The following MAST3 variants were observed in gnomAD, a reference collection of about 807,000 sequenced individuals.
MAST3 encodes the protein microtubule-associated serine/threonine-protein kinase 3.
In MAST3, 43 loss-of-function variants were observed where a neutral mutation model predicts 127.0. The observed-to-expected ratio is 0.34, with a 90% CI of 0.27 to 0.44. The LOEUF is 0.44. Among genes scored for constraint, MAST3 ranks in the 20% least tolerant of loss-of-function variants. MAST3 has a pLI of 1.00. For synonymous variants in MAST3, 785 were observed against 809.2 expected, an observed-to-expected ratio of 0.97 and a Z score of 0.51; for missense variants, 1,390 against 1,919.1, an observed-to-expected ratio of 0.72 and a Z score of 5.15.
chr19:18,120,339 G>A (rs1162632329), intron 3 of MAST3, among the ~76,000 whole-genome samples: 1 of 152,150 alleles, frequency 6.6e-6, no homozygotes, highest in Admixed American at 6.6e-5. Context: ...CTGGGCTCCA[G>A]GGTGTGTTTG....
In MAST3 at chr19:18,147,058, G is replaced by A. The variant is rs752899639; in HGVS notation, c.3326+14G>A. 35 of 1,507,210 alleles carry A rather than the reference G, an allele frequency of 2.3e-5. No individual in the cohort carries two copies. Among genetic ancestry groups the A allele is most frequent in the African/African-American group, 7.2e-5 (5 of 69,884 alleles). 93.4% of individuals were successfully genotyped at this position (1,507,210 alleles called of 1,614,324 possible). A position where few individuals can be genotyped will look rare whatever the true frequency, so the allele number is the denominator to read the frequency against. ...CACCAGGGAGCGGTACACAGGGGGC[G>A]GGGCCACGGGGACTGGGGTTCTTTT... is the stretch of plus-strand genomic sequence containing the variant. On this transcript the variant is annotated intron_variant, in intron 26 of 27. Coordinates refer to ENST00000687212, the MANE Select transcript of MAST3 (RefSeq NM_001393504.1).
intron 3 of MAST3, among the ~76,000 whole-genome samples, chr19:18,115,564 A>G (rs1388252166): frequency 6.6e-6 from 1 of 151,970 alleles, no homozygotes; most frequent in Non-Finnish European, 1.5e-5. Flanking sequence ...CCTGGGGGTC[A>G]TAGGTGACCA....
At chr19:18,140,897 G>A (rs1032018020) in intron 20 of MAST3, among the ~76,000 whole-genome samples, 52 of 151,748 alleles carry the variant, frequency 3.4e-4, no homozygotes, top group Non-Finnish European at 1.0e-4. Flanking sequence ...GGGTTCAAGC[G>A]ATTCTCCTGC....
intron 11 of MAST3, among the ~76,000 whole-genome samples, chr19:18,126,633 A>T (rs2040655876): frequency 2.0e-5 from 3 of 152,102 alleles, no homozygotes; most frequent in African/African-American, 4.8e-5. Context: ...GCCAGGCATG[A>T]TCGCACATGC....
At chr19:18,143,679 A>T in intron 21 of MAST3, 84 bp from the exon 22 acceptor site, 2 of 1,544,864 alleles carry the variant, frequency 1.3e-6, no homozygotes, top group Non-Finnish European at 1.8e-6. Flanking sequence ...GCAGACTGAG[A>T]GTTAAGATGT....
At chr19:18,136,356 G>A (rs149934903) in intron 18 of MAST3, among the ~76,000 whole-genome samples, 74 of 152,254 alleles carry the variant, frequency 4.9e-4, no homozygotes, top group East Asian at 1.3e-3. Flanking sequence ...TTCTCTAGGC[G>A]GTGTGGTCCC....
At chr19:18,134,257 C>A (rs1268040492) in intron 15 of MAST3, among the ~76,000 whole-genome samples, 1 of 152,116 alleles carries the variant, frequency 6.6e-6, no homozygotes, top group Non-Finnish European at 1.5e-5. Flanking sequence ...CACATATACG[C>A]ACACACAGTA....
rs188187756 is a variant in MAST3, at chr19:18,134,901, G to A, written c.1789G>A (p.Val597Ile). 808 of 1,614,038 alleles carry A rather than the reference G, an allele frequency of 5.0e-4. No individual in the cohort carries two copies. Among genetic ancestry groups the A allele is most frequent in the African/African-American group, 3.5e-3 (266 of 75,050 alleles). The change falls in exon 17 of 28, where the codon GTC (valine) becomes ATC (isoleucine). Residue 597 changes from valine (V) to isoleucine (I), a missense_variant. Coordinates refer to ENST00000687212, the MANE Select transcript of MAST3 (RefSeq NM_001393504.1). The part of the protein sequence containing the change: ...GKPVDWWAMG[V>I]VLYEFLVGCV... ...GCCAGTGGACTGGTGGGCCATGGGC[G>A]TCGTCCTCTATGAGTTTCTGGTGGG...
chr19:18,141,953 C>G lies in MAST3; in HGVS notation c.2277C>G (p.Asp759Glu). 6.4e-7 allele frequency: 1 copy of G among 1,558,318 alleles called. No individual in the cohort carries two copies. The highest frequency in any genetic ancestry group is 8.7e-7 in the Non-Finnish European group (1 of 1,149,206). ...TCGCTGAAAGGAGCTTCAGTGAAGA[C>G]CGGGAGGAGGGGTGGGAGCGCAGCG... is the stretch of plus-strand genomic sequence containing the variant. Reference protein sequence around the residue: ...PTFAERSFSEDREEGWERSEV... With the variant: ...PTFAERSFSEEREEGWERSEV... The change falls in exon 21 of 28, where the codon GAC becomes GAG. Residue 759 changes from aspartate to glutamate, a missense_variant. Around this residue, in one of 5 missense-constraint regions of MAST3, gnomAD observed 816 missense variants for 934.1 expected, o/e 0.87. Transcript: ENST00000687212.
chr19:18,116,090 C>CTTTTTTTTTTGTTTTTTTTTTTT (rs2039194320), intron 3 of MAST3, among the ~76,000 whole-genome samples: 1 of 86,374 alleles, frequency 1.2e-5, no homozygotes, highest in African/African-American at 5.4e-5. Context: ...TTGAAATTAT[C>CTTTTTTTTTTGTTTTTTTTTTTT]TTTTTTTTTT....
chr19:18,107,852 C>G (rs560565542), intron 2 of MAST3, among the ~76,000 whole-genome samples: 1 of 152,160 alleles, frequency 6.6e-6, no homozygotes, highest in Non-Finnish European at 1.5e-5. Flanking sequence ...GGTTTCATCA[C>G]CAGCTAAGGA....
chr19:18,140,281 G>A (rs2042320304), intron 20 of MAST3, among the ~76,000 whole-genome samples: 1 of 46,112 alleles, frequency 2.2e-5, no homozygotes, highest in Non-Finnish European at 4.0e-5. Context: ...GGGAGGCTGA[G>A]GCAAGAGTAT....
intron 3 of MAST3, among the ~76,000 whole-genome samples, chr19:18,119,819 C>T (rs548565703): frequency 1.3e-5 from 2 of 152,318 alleles, no homozygotes; most frequent in African/African-American, 4.8e-5. Flanking sequence ...GATGATCATA[C>T]GCTTGTTCTC....
chr19:18,107,105 C>T (rs1015755587), intron 1 of MAST3, among the ~76,000 whole-genome samples: 11 of 151,438 alleles, frequency 7.3e-5, no homozygotes, highest in Non-Finnish European at 1.2e-4. Context: ...TGTGAGCCAC[C>T]GCACCCGGCC....
intron 1 of MAST3, among the ~76,000 whole-genome samples, chr19:18,099,586 G>A (rs902875823): frequency 6.6e-6 from 1 of 152,138 alleles, no homozygotes; most frequent in Non-Finnish European, 1.5e-5. Context: ...CCACTGTCCG[G>A]GTTTCACAAA....
chr19:18,121,714 T>C lies in MAST3; in HGVS notation c.191T>C (p.Val64Ala), dbSNP rs772993728. 1.2e-6 allele frequency: 2 copies of C among 1,613,890 alleles called. No individual in the cohort carries two copies. The highest frequency in any genetic ancestry group is 2.2e-5 in the South Asian group (2 of 91,080). Reference sequence around the variant, plus strand: ...CGCAGCGGGAACCGCAAGAGCTTGGTGGTAGGAACGCCCTCCCCGACCCTC... The same window carrying C: ...CGCAGCGGGAACCGCAAGAGCTTGGCGGTAGGAACGCCCTCCCCGACCCTC... ...SCRSGNRKSLVVGTPSPTLSR... is the reference protein window; with the variant it reads ...SCRSGNRKSLAVGTPSPTLSR... Residue 64 changes from valine (V) to alanine (A), a missense_variant, in exon 4 of 28, where the codon GTG (valine) becomes GCG (alanine). Around this residue, in one of 5 missense-constraint regions of MAST3, gnomAD observed 61 missense variants for 78.2 expected, o/e 0.78. Coordinates refer to ENST00000687212, the MANE Select transcript of MAST3 (RefSeq NM_001393504.1).
At chr19:18,101,902 T>G (rs2037661371) in intron 1 of MAST3, among the ~76,000 whole-genome samples, 1 of 145,802 alleles carries the variant, frequency 6.9e-6, no homozygotes. Context: ...TTTTTTTTTT[T>G]TTTGAGACGG....
rs1041562667 is a variant in MAST3 at position 18,110,764 on chromosome 19, G to A, written c.161+23G>A. On this transcript the variant is annotated intron_variant, in intron 3 of 27. Coordinates refer to ENST00000687212, the MANE Select transcript of MAST3 (RefSeq NM_001393504.1). This position sits in a 1 kb window ranked among gnomAD's most constrained non-coding sequence, Gnocchi z 4.3. ...GAGGTAAGTGACAGCGCGTGTGGGC[G>A]GGGCGCAGACATCGCCCTGGCACCC... is the stretch of plus-strand genomic sequence containing the variant. 15 of 975,334 alleles carry A rather than the reference G, an allele frequency of 1.5e-5. No individual in the cohort carries two copies. The highest frequency in any genetic ancestry group is 1.7e-5 in the Non-Finnish European group (14 of 820,470). 60.4% of individuals were successfully genotyped at this position (975,334 alleles called of 1,614,324 possible). A position where few individuals can be genotyped will look rare whatever the true frequency, so the allele number is the denominator to read the frequency against.
rs1295033100 is a variant in MAST3, at chr19:18,139,824, CTT to C, written c.2205+712_2205+713del. Among the ~76,000 whole-genome samples the C allele has an allele frequency of 2.1e-5, 3 of 144,192 alleles. 1 individual carries two copies. Among genetic ancestry groups the C allele is most frequent in the Non-Finnish European group, 3.0e-5 (2 of 66,806 alleles). 94.6% of individuals were successfully genotyped at this position (144,192 alleles called of 152,430 possible). ...TTTGTTTTAGCCATTTTTTTTTTTTCTTTTTTTTTTTTTGAGACAGAGTCTCG... is the reference window on the plus strand; with the variant it reads ...TTTGTTTTAGCCATTTTTTTTTTTTCTTTTTTTTTTTGAGACAGAGTCTCG... On this transcript the variant is annotated intron_variant, in intron 20 of 27. Coordinates refer to ENST00000687212, the MANE Select transcript of MAST3 (RefSeq NM_001393504.1).
Sources: allele counts gnomAD v4.1 joint callset (sites outside exome capture counted in the v4.1 genomes callset), GRCh38; gene constraint gnomAD v4.1.1; regional missense constraint gnomAD v4.1.1; non-coding constraint Gnocchi (gnomAD v3.1); transcripts MANE v1.5; gene names NCBI Gene and HGNC (gene_info 2026-07-23, HGNC 2026-07-21).